PRKCE: variants seen among roughly 807,000 people sequenced by gnomAD.
PRKCE encodes protein kinase C epsilon.
In PRKCE, 16 loss-of-function variants were observed where a neutral mutation model predicts 85.4. The ratio of observed to expected loss-of-function variants is 0.19; its 90% CI spans 0.13 to 0.28. The LOEUF is 0.28. PRKCE is among the 10% of genes least tolerant of loss of function. The pLI, the probability that PRKCE is intolerant of heterozygous loss-of-function variation, is 1.00. For missense variants in PRKCE, 573 were observed against 975.2 expected, an observed-to-expected ratio of 0.59 and a Z score of 5.49; for synonymous variants, 388 against 371.5, an observed-to-expected ratio of 1.04 and a Z score of -0.51.
chr2:46,106,818 T>C (rs1671761807), intron 11 of PRKCE, among the ~76,000 whole-genome samples: 1 of 152,142 alleles, frequency 6.6e-6, no homozygotes, highest in Non-Finnish European at 1.5e-5. Flanking sequence ...TTATGGAGGG[T>C]TAGGGCTTCA....
Position 45,786,903 on chromosome 2 carries a change from C to G in PRKCE, c.349-56097C>G, listed in dbSNP as rs759104226. Among the ~76,000 whole-genome samples, 1 of 152,218 alleles carries G rather than the reference C, an allele frequency of 6.6e-6. No homozygotes were observed. The highest frequency in any genetic ancestry group is 2.4e-5 in the African/African-American group (1 of 41,454). The stretch of plus-strand genomic sequence containing the variant: ...GATGCGATTCAAACCCTAGGGAATA[C>G]GATTCCAGAACCTCACTGTTAACCA... On this transcript the variant is annotated intron_variant, in intron 1 of 14. Transcript: ENST00000306156. The surrounding 1 kb of genome is among the most constrained non-coding windows in gnomAD (Gnocchi z 5.3).
intron 1 of PRKCE, among the ~76,000 whole-genome samples, chr2:45,776,125 A>T (rs1685730950): frequency 1.3e-5 from 2 of 152,252 alleles, no homozygotes; most frequent in African/African-American, 4.8e-5. Context: ...ACATTCTGAA[A>T]GATCATATAA....
chr2:46,007,682 G>C lies in PRKCE; in HGVS notation c.1263+21G>C, dbSNP rs755082754. 9.4e-6 allele frequency: 15 copies of C among 1,596,944 alleles called. No individual in the cohort carries two copies. In the Admixed American group the frequency reaches 1.3e-4, roughly 14 times the overall value. On this transcript the variant is annotated intron_variant, in intron 9 of 14. Coordinates refer to ENST00000306156, the MANE Select transcript of PRKCE (RefSeq NM_005400.3). ...GCAAGGTCTGTGGCACACACGGGTG[G>C]AACTGCTGGTTTTGTTCTACTCCTT...
At chr2:45,681,356 G>A (rs957271687) in intron 1 of PRKCE, among the ~76,000 whole-genome samples, 17 of 150,586 alleles carry the variant, frequency 1.1e-4, no homozygotes, top group Admixed American at 3.3e-4. Flanking sequence ...CCTCCTGGTG[G>A]GAAGTAATTG....
intron 11 of PRKCE, among the ~76,000 whole-genome samples, chr2:46,097,091 C>A (rs1670761561): frequency 6.6e-6 from 1 of 152,078 alleles, no homozygotes; most frequent in Non-Finnish European, 1.5e-5. Context: ...GCTAAGGGCC[C>A]AGATCTCACA....
chr2:45,708,369 A>G (rs924689051), intron 1 of PRKCE, among the ~76,000 whole-genome samples: 1 of 152,144 alleles, frequency 6.6e-6, no homozygotes, highest in East Asian at 1.9e-4. Context: ...CCCAAATCTC[A>G]TCTTGAATTC....
At chr2:45,742,158 C>T (rs924751923) in intron 1 of PRKCE, among the ~76,000 whole-genome samples, 2 of 152,078 alleles carry the variant, frequency 1.3e-5, no homozygotes, top group South Asian at 2.1e-4. Context: ...ATCAACAAAA[C>T]GAAAAGGAAA....
At chr2:45,790,290 T>C (rs978910127) in intron 1 of PRKCE, among the ~76,000 whole-genome samples, 1 of 152,184 alleles carries the variant, frequency 6.6e-6, no homozygotes, top group Non-Finnish European at 1.5e-5. Flanking sequence ...AAGCATCAGT[T>C]TCAACCGAGA....
At chr2:46,075,157 G>C (rs1332809636) in intron 10 of PRKCE, among the ~76,000 whole-genome samples, 1 of 151,952 alleles carries the variant, frequency 6.6e-6, no homozygotes, top group Admixed American at 6.6e-5. Flanking sequence ...TCTCCTGCCT[G>C]AGCCTCCCGA....
intron 1 of PRKCE, among the ~76,000 whole-genome samples, chr2:45,796,891 T>C (rs1041041817): frequency 2.0e-5 from 3 of 152,104 alleles, no homozygotes; most frequent in African/African-American, 7.2e-5. Context: ...GTGCTAAGAG[T>C]ATAGGCACGA....
chr2:45,959,561 A>G (rs140044928), intron 2 of PRKCE, among the ~76,000 whole-genome samples: 39 of 152,290 alleles, frequency 2.6e-4, no homozygotes, highest in African/African-American at 9.1e-4. Flanking sequence ...ACTGACCTGG[A>G]GAGAGAATAG....
chr2:46,044,493 T>C (rs997386801), intron 10 of PRKCE, among the ~76,000 whole-genome samples: 3 of 152,224 alleles, frequency 2.0e-5, no homozygotes, highest in African/African-American at 7.2e-5. Context: ...AATACGCTTG[T>C]ATTTAACTGT....
At chr2:46,143,145 T>G (rs1239978584) in intron 11 of PRKCE, among the ~76,000 whole-genome samples, 1 of 152,196 alleles carries the variant, frequency 6.6e-6, no homozygotes. Flanking sequence ...TTGCCACATG[T>G]GCTCCTCCTA....
chr2:45,703,601 CT>C (rs1172260979), intron 1 of PRKCE, among the ~76,000 whole-genome samples: 1 of 151,594 alleles, frequency 6.6e-6, no homozygotes, highest in South Asian at 2.1e-4. Flanking sequence ...GTAGAGGCAC[CT>C]TTTTTTTGGA....
chr2:45,798,729 G>A (rs1030316920), intron 1 of PRKCE, among the ~76,000 whole-genome samples: 4 of 146,836 alleles, frequency 2.7e-5, no homozygotes, highest in African/African-American at 9.9e-5. Flanking sequence ...TTATAATATC[G>A]TTTCAAAGTG....
intron 2 of PRKCE, among the ~76,000 whole-genome samples, chr2:45,850,682 A>G (rs965345217): frequency 6.6e-6 from 1 of 152,148 alleles, no homozygotes; most frequent in Admixed American, 6.5e-5. Flanking sequence ...AAGCAAGTGC[A>G]TTCACCATTT....
At chr2:45,687,616 G>T (rs1677399796) in intron 1 of PRKCE, among the ~76,000 whole-genome samples, 1 of 152,158 alleles carries the variant, frequency 6.6e-6, no homozygotes, top group African/African-American at 2.4e-5. Flanking sequence ...AATATTTCTT[G>T]TAACATCTAA....
chr2:46,097,335 G>A (rs370930637), intron 11 of PRKCE, among the ~76,000 whole-genome samples: 1 of 151,706 alleles, frequency 6.6e-6, no homozygotes, highest in East Asian at 1.9e-4. Flanking sequence ...TGGCTAACGC[G>A]GGGAAACCCC....
At chr2:45,734,627 C>G (rs1354402026) in intron 1 of PRKCE, among the ~76,000 whole-genome samples, 2 of 152,226 alleles carry the variant, frequency 1.3e-5, no homozygotes, top group Non-Finnish European at 2.9e-5. Context: ...CCTGGAGCAA[C>G]AGGACTTTTG....
Sources: gnomAD v4.1 joint callset for allele counts (sites outside exome capture counted in the v4.1 genomes callset) on GRCh38, gnomAD v4.1.1 for gene constraint, Gnocchi (gnomAD v3.1) non-coding constraint, MANE v1.5 for transcripts, NCBI Gene and HGNC (gene_info 2026-07-23, HGNC 2026-07-21) for gene names.